The following DPY19L4 variants were observed in gnomAD, a reference collection of about 807,000 sequenced individuals.
The protein encoded by DPY19L4 is dpy-19 like 4.
A neutral mutation model predicts 102.8 loss-of-function variants in DPY19L4; 97 were observed. The observed-to-expected ratio is 0.94, with a 90% confidence interval of 0.80 to 1.12. The LOEUF (loss-of-function observed/expected upper bound fraction) is 1.12, where lower values mean the gene tolerates loss of function less well. DPY19L4 is among the 50% of genes most tolerant of loss of function. DPY19L4 has a pLI of 0.00. For missense variants in DPY19L4, 815 were observed against 850.4 expected (o/e 0.96, Z 0.52); for synonymous variants, 252 against 283.1 (o/e 0.89, Z 1.10).
intron 10 of DPY19L4, 39 bp downstream of exon 10, chr8:94,765,848 G>A: frequency 8.1e-7 from 1 of 1,231,916 alleles, no homozygotes; most frequent in Non-Finnish European, 1.2e-6. Context: ...AAAACAAAAT[G>A]AATAATGAAA....
At chr8:94,771,904 G>GAATAAAAA (rs1812953498) in intron 13 of DPY19L4, among the ~76,000 whole-genome samples, 3 of 152,110 alleles carry the variant, frequency 2.0e-5, no homozygotes, top group East Asian at 3.9e-4. Context: ...CCCATTTAAT[G>GAATAAAAA]TTCAATAAGG....
At position 94,726,349 on chromosome 8, in the gene DPY19L4, G is replaced by A. The variant is rs773956154; in HGVS notation, c.35G>A (p.Arg12His). 2 of 1,609,814 alleles carry A rather than the reference G, an allele frequency of 1.2e-6. No individual in the cohort carries two copies. Among genetic ancestry groups the A allele is most frequent in the Non-Finnish European group, 1.7e-6 (2 of 1,179,014 alleles). The change falls in exon 2 of 19, where the codon CGC (arginine) becomes CAC (histidine). Residue 12 changes from arginine to histidine, a missense_variant. Arg to His is a conservative substitution (Grantham distance 29, BLOSUM62 0). Coordinates refer to ENST00000414645, the MANE Select transcript of DPY19L4 (RefSeq NM_181787.3). ...TTTTAAGGACCACCTGTAGAGCTGCGCCAAAGAAAAAAGCCAAAGTCTTCA... is the reference window on the plus strand; with the variant it reads ...TTTTAAGGACCACCTGTAGAGCTGCACCAAAGAAAAAAGCCAAAGTCTTCA... ...AEEEGPPVEL[R>H]QRKKPKSSEN...
chr8:94,720,969 G>A (rs950099791), intron 1 of DPY19L4, among the ~76,000 whole-genome samples: 1 of 150,766 alleles, frequency 6.6e-6, no homozygotes, highest in Admixed American at 6.6e-5. Context: ...TTTTTGAAAC[G>A]GAGTTTCGTT....
intron 1 of DPY19L4, among the ~76,000 whole-genome samples, chr8:94,725,241 C>T (rs984547178): frequency 2.0e-5 from 3 of 152,174 alleles, no homozygotes; most frequent in Admixed American, 6.5e-5. Flanking sequence ...TCTTCCACTT[C>T]CATGAGAAAG....
chr8:94,726,561 T>A, intron 2 of DPY19L4, 120 bp downstream of exon 2: 1 of 791,436 alleles, frequency 1.3e-6, no homozygotes, highest in Non-Finnish European at 1.9e-6. Flanking sequence ...CAGCTTTCAC[T>A]AGGTTTTGGA....
intron 7 of DPY19L4, among the ~76,000 whole-genome samples, chr8:94,758,567 A>G (rs1051115593): frequency 6.6e-6 from 1 of 152,052 alleles, no homozygotes; most frequent in Non-Finnish European, 1.5e-5. Context: ...ATTCTCTATC[A>G]CTATAATTTT....
At chr8:94,779,039 A>G (rs1813311320) in intron 14 of DPY19L4, among the ~76,000 whole-genome samples, 1 of 152,062 alleles carries the variant, frequency 6.6e-6, no homozygotes, top group Admixed American at 6.6e-5. Context: ...TACATTTTCT[A>G]TTTGCTCACT....
intron 11 of DPY19L4, 44 bp downstream of exon 11, chr8:94,766,729 A>G (rs1016084247): frequency 2.6e-6 from 4 of 1,533,504 alleles, no homozygotes; most frequent in Non-Finnish European, 3.6e-6. Context: ...GATACCACTT[A>G]GAAAATAAAG....
chr8:94,788,286 A>G lies in DPY19L4; in HGVS notation c.2007+234A>G, dbSNP rs115617093. On this transcript the variant is annotated intron_variant, in intron 18 of 18. Transcript: ENST00000414645. ...AATAAAAAATAATAATGGTATTACC[A>G]ATACTGGAATTCCTTATTCATTGCC... Among the ~76,000 whole-genome samples the G allele has an allele frequency of 7.8e-3, 1,194 of 152,166 alleles. 13 individuals are homozygous for G. Among genetic ancestry groups the G allele is most frequent in the African/African-American group, 0.028 (1,148 of 41,540 alleles).
At chr8:94,734,084 G>A (rs924322040) in intron 2 of DPY19L4, among the ~76,000 whole-genome samples, 1 of 144,738 alleles carries the variant, frequency 6.9e-6, no homozygotes, top group African/African-American at 2.6e-5. Context: ...TTTTGAGACG[G>A]AATCTTGCTC....
At chr8:94,722,145 C>T (rs916618232) in intron 1 of DPY19L4, among the ~76,000 whole-genome samples, 3 of 148,106 alleles carry the variant, frequency 2.0e-5, no homozygotes, top group Non-Finnish European at 4.5e-5. Flanking sequence ...AGGTGGCTCA[C>T]GCCTGTAATC....
intron 3 of DPY19L4, among the ~76,000 whole-genome samples, chr8:94,735,056 A>G (rs1811137245): frequency 6.6e-6 from 1 of 152,204 alleles, no homozygotes; most frequent in South Asian, 2.1e-4. Context: ...CATTTCAGAA[A>G]CAATCTGTGG....
intron 1 of DPY19L4, among the ~76,000 whole-genome samples, chr8:94,721,967 G>A (rs1372267468): frequency 6.6e-6 from 1 of 152,086 alleles, no homozygotes; most frequent in Non-Finnish European, 1.5e-5. Flanking sequence ...AAATCAGCCG[G>A]GTGGAGTGGC....
chr8:94,774,644 C>T (rs958840786), intron 13 of DPY19L4, among the ~76,000 whole-genome samples: 14 of 146,296 alleles, frequency 9.6e-5, no homozygotes, highest in Admixed American at 3.5e-4. Flanking sequence ...ATGCTGTGAT[C>T]TTGGCTCACC....
chr8:94,788,611 T>A (rs1813756938), intron 18 of DPY19L4, among the ~76,000 whole-genome samples: 1 of 150,284 alleles, frequency 6.7e-6, no homozygotes, highest in Non-Finnish European at 1.5e-5. Context: ...AAGCTGTGTT[T>A]TCCACAAGAA....
Position 94,765,771 on chromosome 8 carries a change from G to A in DPY19L4, c.1063G>A (p.Val355Met), listed in dbSNP as rs1812646695. ...KIIKVINFYL[V>M]CTLTITLNII... ...AATAAAAGTGATTAATTTTTACTTG[G>A]TGTGTACTCTGACAATAACATTGAA... Residue 355 changes from valine (V) to methionine (M), a missense_variant, in exon 10 of 19, where the codon GTG becomes ATG. Val to Met is a conservative substitution (Grantham distance 21, BLOSUM62 1). Coordinates refer to ENST00000414645, the MANE Select transcript of DPY19L4 (RefSeq NM_181787.3). 1 of 1,598,688 alleles carries A rather than the reference G, an allele frequency of 6.3e-7. No homozygotes were observed. Among genetic ancestry groups the A allele is most frequent in the Non-Finnish European group, 8.6e-7 (1 of 1,168,846 alleles).
chr8:94,756,389 T>A (rs1812164778), intron 7 of DPY19L4, among the ~76,000 whole-genome samples: 1 of 152,238 alleles, frequency 6.6e-6, no homozygotes, highest in Non-Finnish European at 1.5e-5. Context: ...TTAATATAGT[T>A]AACTTGACAA....
intron 8 of DPY19L4, among the ~76,000 whole-genome samples, chr8:94,764,038 A>G (rs903409943): frequency 2.0e-5 from 3 of 152,180 alleles, no homozygotes; most frequent in Non-Finnish European, 4.4e-5. Flanking sequence ...TAACTTTGTT[A>G]TGCTCACTAG....
rs1236386940 is a variant in DPY19L4 at position 94,793,283 on chromosome 8, T to A, written c.*3373T>A. On this transcript the variant is annotated 3_prime_UTR_variant, in exon 19 of 19. Transcript: ENST00000414645. ...AAAAAATAGATTTAATTTCTTACAC[T>A]GTGAATAGCCATTGTATTGTTTTGT... 6.6e-6 allele frequency: 1 copy of A among 152,236 alleles called. No individual in the cohort carries two copies. The highest frequency in any genetic ancestry group is 1.5e-5 in the Non-Finnish European group (1 of 68,042). 9.4% of individuals were successfully genotyped at this position (152,236 alleles called of 1,614,324 possible).
Sources: allele counts gnomAD v4.1 joint callset (sites outside exome capture counted in the v4.1 genomes callset), GRCh38; gene constraint gnomAD v4.1.1; transcripts MANE v1.5; gene names NCBI Gene and HGNC (gene_info 2026-07-23, HGNC 2026-07-21).